TP63: variants seen among roughly 807,000 people sequenced by gnomAD.
TP63 encodes the protein tumor protein 63.
A neutral mutation model predicts 82.8 loss-of-function variants in TP63; 17 were observed. That is an observed-to-expected ratio of 0.21 (90% CI 0.14 to 0.31). The LOEUF (loss-of-function observed/expected upper bound fraction) is 0.31. Among genes scored for constraint, TP63 ranks in the 10% least tolerant of loss-of-function variants. TP63 has a pLI of 1.00. For missense variants in TP63, 648 were observed against 895.3 expected (o/e 0.72, Z 3.52); for synonymous variants, 330 against 321.7 (o/e 1.03, Z -0.28).
At chr3:189,724,835 A>G (rs1440813919) in intron 1 of TP63, among the ~76,000 whole-genome samples, 1 of 152,194 alleles carries the variant, frequency 6.6e-6, no homozygotes, top group Non-Finnish European at 1.5e-5. Context: ...GAACGGGGCA[A>G]TCAGCTCATG....
Position 189,768,612 on chromosome 3 carries a change from C to T in TP63, c.324+29838C>T, listed in dbSNP as rs75100111. 6.2e-3 allele frequency among the ~76,000 whole-genome samples: 951 copies of T among 152,208 alleles called. 17 individuals carry two copies. The highest frequency in any genetic ancestry group is 0.022 in the African/African-American group (910 of 41,544). Reference sequence around the variant, plus strand: ...ATTGCTTATTTTTCCTTCTTATAAACACTTTTGACCAAAAATTCCAAAACG... The same window carrying T: ...ATTGCTTATTTTTCCTTCTTATAAATACTTTTGACCAAAAATTCCAAAACG... On this transcript the variant is annotated intron_variant, in intron 3 of 13. Transcript: ENST00000264731.
intron 3 of TP63, among the ~76,000 whole-genome samples, chr3:189,806,570 T>C (rs1354345143): frequency 2.6e-5 from 4 of 152,224 alleles, no homozygotes. Context: ...GTTTTATTTT[T>C]TTGTCCCCTA....
intron 1 of TP63, among the ~76,000 whole-genome samples, chr3:189,666,555 A>G (rs1714406304): frequency 6.6e-6 from 1 of 152,106 alleles, no homozygotes; most frequent in South Asian, 2.1e-4. Flanking sequence ...TATTCTAGCA[A>G]AAGGAGAGAA....
At chr3:189,875,929 C>T (rs1221545267) in intron 10 of TP63, among the ~76,000 whole-genome samples, 5 of 151,970 alleles carry the variant, frequency 3.3e-5, no homozygotes, top group African/African-American at 1.2e-4. Flanking sequence ...GACACAACCT[C>T]ATTGTCAGAT....
intron 1 of TP63, among the ~76,000 whole-genome samples, chr3:189,725,877 A>G (rs1719739210): frequency 6.6e-6 from 1 of 152,292 alleles, no homozygotes; most frequent in South Asian, 2.1e-4. Flanking sequence ...AACATGGTGA[A>G]ACCCCATCTC....
At chr3:189,875,127 T>C (rs1349376922) in intron 10 of TP63, among the ~76,000 whole-genome samples, 6 of 152,090 alleles carry the variant, frequency 3.9e-5, no homozygotes, top group Non-Finnish European at 8.8e-5. Flanking sequence ...GCTCTGTGGT[T>C]GTAGCACAGA....
At chr3:189,879,352 GTAAA>G (rs1260057483) in intron 10 of TP63, among the ~76,000 whole-genome samples, 3 of 152,164 alleles carry the variant, frequency 2.0e-5, no homozygotes, top group Non-Finnish European at 4.4e-5. Flanking sequence ...TCCTCGTGGT[GTAAA>G]TAATTTCTTA....
intron 9 of TP63, 55 bp downstream of exon 9, chr3:189,869,461 C>T: frequency 6.9e-7 from 1 of 1,450,108 alleles, no homozygotes; most frequent in Non-Finnish European, 9.6e-7. Flanking sequence ...TTTGAATGGG[C>T]TTTTACAGTA....
At chr3:189,767,044 A>T (rs1723006269) in intron 3 of TP63, among the ~76,000 whole-genome samples, 1 of 152,182 alleles carries the variant, frequency 6.6e-6, no homozygotes, top group Non-Finnish European at 1.5e-5. Context: ...AAAGTATAAA[A>T]ATCACGTATT....
chr3:189,651,995 C>T (rs1353860933), intron 1 of TP63, among the ~76,000 whole-genome samples: 1 of 146,924 alleles, frequency 6.8e-6, no homozygotes, highest in Admixed American at 6.7e-5. Context: ...GTGGAAACGC[C>T]TGGATGTCCG....
intron 1 of TP63, among the ~76,000 whole-genome samples, chr3:189,664,689 A>C (rs1369493293): frequency 2.0e-5 from 3 of 152,142 alleles, no homozygotes; most frequent in Admixed American, 6.6e-5. Flanking sequence ...TTAGTTTATA[A>C]AATATTTTGG....
At chr3:189,661,965 T>C (rs957883457) in intron 1 of TP63, among the ~76,000 whole-genome samples, 3 of 152,090 alleles carry the variant, frequency 2.0e-5, no homozygotes, top group African/African-American at 7.2e-5. Flanking sequence ...CTTTTTTCTT[T>C]GTTAATCTAG....
chr3:189,862,945 T>G (rs1282134084), intron 4 of TP63, among the ~76,000 whole-genome samples: 1 of 152,224 alleles, frequency 6.6e-6, no homozygotes, highest in Non-Finnish European at 1.5e-5. Flanking sequence ...AACTAAAAAT[T>G]TTGTGTGCTG....
At chr3:189,722,413 G>C (rs1560135144) in intron 1 of TP63, among the ~76,000 whole-genome samples, 1 of 152,198 alleles carries the variant, frequency 6.6e-6, no homozygotes, top group Non-Finnish European at 1.5e-5. Flanking sequence ...AAGGTCAAAA[G>C]TCTCCTGTAA....
At chr3:189,839,147 C>T (rs983508651) in intron 4 of TP63, among the ~76,000 whole-genome samples, 6 of 151,552 alleles carry the variant, frequency 4.0e-5, no homozygotes, top group African/African-American at 7.3e-5. Context: ...TCATTTTCCT[C>T]GTTTTTAAAT....
upstream of TP63, among the ~76,000 whole-genome samples, chr3:189,628,830 T>C (rs780673253): frequency 1.3e-5 from 2 of 152,172 alleles, no homozygotes; most frequent in African/African-American, 2.4e-5. Context: ...TGATCGTGTA[T>C]GGTTGCATGC....
chr3:189,789,691 C>G (rs1724925837), intron 3 of TP63: 1 of 1,434,730 alleles, frequency 7.0e-7, no homozygotes, highest in South Asian at 1.5e-5. Flanking sequence ...GACTTGAGTT[C>G]TGTTATCTTC....
At chr3:189,814,614 G>A (rs1293028863) in intron 4 of TP63, among the ~76,000 whole-genome samples, 1 of 152,174 alleles carries the variant, frequency 6.6e-6, no homozygotes, top group Non-Finnish European at 1.5e-5. Context: ...TTAGTTCACA[G>A]AGTATTGAGG....
intron 4 of TP63, among the ~76,000 whole-genome samples, chr3:189,856,389 C>T (rs781268959): frequency 4.6e-5 from 7 of 151,538 alleles, no homozygotes; most frequent in Non-Finnish European, 8.8e-5. Flanking sequence ...GTGGACATAG[C>T]TAAGAAGTAC....
Sources: gnomAD v4.1 joint callset for allele counts (sites outside exome capture counted in the v4.1 genomes callset) on GRCh38, gnomAD v4.1.1 for gene constraint, MANE v1.5 for transcripts, NCBI Gene and HGNC (gene_info 2026-07-23, HGNC 2026-07-21) for gene names.